The following UTRN variants were observed in gnomAD, a reference collection of about 807,000 sequenced individuals.
UTRN encodes dystrophin-related protein 1.
UTRN carries 283 observed loss-of-function variants against 463.9 expected under a neutral mutation model. The observed-to-expected ratio is 0.61, with a 90% CI of 0.55 to 0.67. UTRN has a LOEUF of 0.67. Ranked by LOEUF, UTRN falls within the 30% of genes least tolerant of loss-of-function variation. UTRN has a pLI of 0.00. For missense variants in UTRN, 3,922 were observed against 4,084.3 expected (o/e 0.96, Z 1.08); for synonymous variants, 1,442 against 1,431.5 (o/e 1.01, Z -0.17).
At chr6:144,771,272 T>C (rs1793969546) in intron 58 of UTRN, among the ~76,000 whole-genome samples, 1 of 152,050 alleles carries the variant, frequency 6.6e-6, no homozygotes, top group South Asian at 2.1e-4. Flanking sequence ...CAAATGAAAT[T>C]TATTATTAAA....
intron 61 of UTRN, among the ~76,000 whole-genome samples, chr6:144,785,629 A>C (rs1026246682): frequency 6.6e-6 from 1 of 152,270 alleles, no homozygotes; most frequent in East Asian, 1.9e-4. Flanking sequence ...TTCATCTGTC[A>C]TGGATGACAA....
chr6:144,587,784 A>C (rs1214679537), intron 51 of UTRN, among the ~76,000 whole-genome samples: 1 of 152,168 alleles, frequency 6.6e-6, no homozygotes, highest in Non-Finnish European at 1.5e-5. Context: ...TTTTAAGGTC[A>C]ACTCTTGGAT....
intron 2 of UTRN, among the ~76,000 whole-genome samples, chr6:144,306,233 AT>A (rs1221793480): frequency 2.0e-5 from 3 of 152,082 alleles, no homozygotes; most frequent in Non-Finnish European, 4.4e-5. Context: ...GGCTGATCTG[AT>A]CAGATTTGCT....
At chr6:144,684,044 C>G (rs1025385317) in intron 52 of UTRN, among the ~76,000 whole-genome samples, 2 of 150,054 alleles carry the variant, frequency 1.3e-5, no homozygotes, top group African/African-American at 5.0e-5. Flanking sequence ...TCAAGTGTCC[C>G]TTTACTTTTT....
chr6:144,557,628 T>C (rs1799508709), intron 50 of UTRN, among the ~76,000 whole-genome samples: 1 of 152,098 alleles, frequency 6.6e-6, no homozygotes, highest in African/African-American at 2.4e-5. Context: ...AGTCTTCTGA[T>C]GGTAAGGAGT....
intron 53 of UTRN, among the ~76,000 whole-genome samples, chr6:144,728,885 C>A (rs1454384472): frequency 2.6e-5 from 4 of 152,078 alleles, no homozygotes; most frequent in Non-Finnish European, 5.9e-5. Flanking sequence ...TTTTGTCACT[C>A]CGTCTCTCAC....
intron 2 of UTRN, among the ~76,000 whole-genome samples, chr6:144,345,385 T>G (rs558057004): frequency 3.9e-5 from 6 of 152,212 alleles, no homozygotes; most frequent in African/African-American, 1.2e-4. Flanking sequence ...GAATTAAAAC[T>G]CCACGCGGGC....
At chr6:144,756,875 C>T (rs890654626) in intron 57 of UTRN, among the ~76,000 whole-genome samples, 3 of 152,042 alleles carry the variant, frequency 2.0e-5, no homozygotes, top group African/African-American at 7.2e-5. Context: ...GTTATTTTAT[C>T]TCTACACATT....
intron 48 of UTRN, 54 bp downstream of exon 48, chr6:144,551,136 GACACACACACAC>G (rs5880596): frequency 6.5e-5 from 41 of 635,248 alleles, no homozygotes; most frequent in South Asian, 4.4e-4. Context: ...TGCAAATGGT[GACACACACACAC>G]ACACACACAC....
intron 2 of UTRN, among the ~76,000 whole-genome samples, chr6:144,301,536 C>CTTTTTTTT (rs200484231): frequency 3.1e-3 from 291 of 92,684 alleles, no homozygotes; most frequent in Middle Eastern, 7.7e-3. Flanking sequence ...TTCTTTCTTT[C>CTTTTTTTT]TTTTTTTTTT....
intron 2 of UTRN, among the ~76,000 whole-genome samples, chr6:144,302,298 G>A (rs1187996098): frequency 6.6e-6 from 1 of 152,094 alleles, no homozygotes; most frequent in Non-Finnish European, 1.5e-5. Flanking sequence ...ATCATCTGAG[G>A]TCAGGAGTTC....
intron 14 of UTRN, 33 bp downstream of exon 14, chr6:144,444,415 A>C (rs1373531101): frequency 1.3e-6 from 2 of 1,547,852 alleles, no homozygotes; most frequent in Admixed American, 3.6e-5. Flanking sequence ...GGGCAAAATA[A>C]ATGGTGAAAA....
intron 53 of UTRN, among the ~76,000 whole-genome samples, chr6:144,722,282 C>G (rs1787277262): frequency 6.6e-6 from 1 of 152,038 alleles, no homozygotes; most frequent in African/African-American, 2.4e-5. Context: ...TGCTCTTTTG[C>G]CAGATATTCT....
At chr6:144,469,665 A>C (rs1466309782) in intron 23 of UTRN, among the ~76,000 whole-genome samples, 1 of 148,562 alleles carries the variant, frequency 6.7e-6, no homozygotes, top group African/African-American at 2.5e-5. Flanking sequence ...TTTTGGGATG[A>C]TCCATTGGCC....
chr6:144,834,238 A>AT (rs1426284709), intron 69 of UTRN, among the ~76,000 whole-genome samples: 1 of 152,174 alleles, frequency 6.6e-6, no homozygotes, highest in Non-Finnish European at 1.5e-5. Flanking sequence ...ACTTATTATT[A>AT]TATTGTGGCC....
chr6:144,708,739 A>G (rs1249279763), intron 53 of UTRN, among the ~76,000 whole-genome samples: 2 of 152,158 alleles, frequency 1.3e-5, no homozygotes, highest in African/African-American at 4.8e-5. Context: ...TTGGTGTTTT[A>G]GTCTGTCTTT....
intron 51 of UTRN, among the ~76,000 whole-genome samples, chr6:144,638,510 A>T (rs1777422080): frequency 6.6e-6 from 1 of 152,152 alleles, no homozygotes; most frequent in Non-Finnish European, 1.5e-5. Context: ...TTTTTGTTTA[A>T]CAGTGAAAGA....
intron 51 of UTRN, chr6:144,583,489 TA>T (rs1233244674): frequency 8.4e-6 from 6 of 714,726 alleles, no homozygotes; most frequent in Non-Finnish European, 1.6e-5. Context: ...AGAAGTGTGG[TA>T]AACTTAAAAT....
intron 28 of UTRN, among the ~76,000 whole-genome samples, chr6:144,486,448 C>T (rs1792459883): frequency 6.6e-6 from 1 of 152,044 alleles, no homozygotes; most frequent in Non-Finnish European, 1.5e-5. Context: ...AGATTTCTTC[C>T]TAATTATTAT....
Sources: gnomAD v4.1 joint callset for allele counts (sites outside exome capture counted in the v4.1 genomes callset) on GRCh38, gnomAD v4.1.1 for gene constraint, MANE v1.5 for transcripts, NCBI Gene and HGNC (gene_info 2026-07-23, HGNC 2026-07-21) for gene names.